The following ATE1 variants were observed in gnomAD, a reference collection of about 807,000 sequenced individuals.
ATE1 encodes arginyl-tRNA--protein transferase 1.
A neutral mutation model predicts 70.5 loss-of-function variants in ATE1; 36 were observed. The ratio of observed to expected loss-of-function variants is 0.51; its 90% CI spans 0.39 to 0.67. ATE1 has a LOEUF of 0.67. ATE1 is among the 30% of genes least tolerant of loss of function. ATE1 has a pLI of 0.00. For synonymous variants in ATE1, 232 were observed against 219.3 expected, an observed-to-expected ratio of 1.06 and a Z score of -0.51; for missense variants, 593 against 629.5, an observed-to-expected ratio of 0.94 and a Z score of 0.62.
At chr10:121,888,572 C>G (rs1950480747) in intron 7 of ATE1, among the ~76,000 whole-genome samples, 1 of 152,070 alleles carries the variant, frequency 6.6e-6, no homozygotes, top group Non-Finnish European at 1.5e-5. Context: ...CTAGAGGAAA[C>G]TGACAATATG....
At chr10:121,885,296 G>A (rs1176575116) in intron 7 of ATE1, among the ~76,000 whole-genome samples, 10 of 139,984 alleles carry the variant, frequency 7.1e-5, no homozygotes, top group African/African-American at 1.1e-4. Context: ...GAGGCCGGGC[G>A]CGGTGGCTCA....
At chr10:121,928,414 T>G, upstream of ATE1, 1 of 1,524,410 alleles carries the variant, frequency 6.6e-7, no homozygotes, top group Non-Finnish European at 8.8e-7. Context: ...GGCCCTTGTA[T>G]TCCACCACCG....
intron 10 of ATE1, among the ~76,000 whole-genome samples, chr10:121,828,978 T>C (rs1414026976): frequency 2.0e-5 from 3 of 152,186 alleles, no homozygotes; most frequent in Non-Finnish European, 4.4e-5. Flanking sequence ...AATTGTCACA[T>C]TACCACTTTA....
rs11200158 is a variant in ATE1, at chr10:121,793,640, C to A, written c.1258-3351G>T. ...TAGAGGAATTTGCATTTTTCTTTTT[C>A]ATAAAGTTGGCCCATTTTATTGTTA... On this transcript the variant is annotated intron_variant, in intron 10 of 11. Transcript: ENST00000224652. 0.022 allele frequency among the ~76,000 whole-genome samples: 3,302 copies of A among 152,176 alleles called. 189 individuals carry two copies. In the East Asian group the frequency reaches 0.26, roughly 12 times the overall value.
chr10:121,793,991 T>C (rs915195101), intron 10 of ATE1, among the ~76,000 whole-genome samples: 1 of 152,218 alleles, frequency 6.6e-6, no homozygotes, highest in Non-Finnish European at 1.5e-5. Context: ...TATTGTGATA[T>C]AAGGTATACA....
chr10:121,844,700 G>T (rs1177185034), intron 8 of ATE1, among the ~76,000 whole-genome samples: 1 of 152,042 alleles, frequency 6.6e-6, no homozygotes, highest in Non-Finnish European at 1.5e-5. Context: ...TCCTTCAATA[G>T]GCAAATGGAT....
At chr10:121,919,466 C>T (rs745928146) in intron 3 of ATE1, among the ~76,000 whole-genome samples, 2 of 151,946 alleles carry the variant, frequency 1.3e-5, no homozygotes, top group African/African-American at 2.4e-5. Context: ...GAGGCTGAGG[C>T]AGGAGAATCG....
chr10:121,831,595 T>C (rs1352868596), intron 10 of ATE1, among the ~76,000 whole-genome samples: 2 of 152,242 alleles, frequency 1.3e-5, no homozygotes, highest in Non-Finnish European at 2.9e-5. Flanking sequence ...CATTTCATGC[T>C]GACTGCTTAG....
At chr10:121,898,893 T>C (rs199872361) in intron 7 of ATE1, 3 of 1,613,996 alleles carry the variant, frequency 1.9e-6, no homozygotes, top group East Asian at 2.2e-5. Flanking sequence ...CACTTGATAC[T>C]TGACATACAA....
chr10:121,928,297 C>A, upstream of ATE1: 1 of 1,501,740 alleles, frequency 6.7e-7, no homozygotes, highest in Non-Finnish European at 8.9e-7. Flanking sequence ...CCGCCGAGGG[C>A]CTGTGCGGGG....
At chr10:121,911,937 G>A (rs937567839) in intron 4 of ATE1, among the ~76,000 whole-genome samples, 9 of 152,018 alleles carry the variant, frequency 5.9e-5, no homozygotes, top group South Asian at 2.1e-4. Flanking sequence ...TAATACAGAC[G>A]GGATTTCACT....
At chr10:121,763,244 A>T (rs1303468818) in intron 11 of ATE1, among the ~76,000 whole-genome samples, 1 of 152,224 alleles carries the variant, frequency 6.6e-6, no homozygotes, top group Non-Finnish European at 1.5e-5. Flanking sequence ...ATGATCTAGT[A>T]ATTGCGCTTC....
rs1267533101 is a variant in ATE1, at chr10:121,911,152, C to T, written c.338-1G>A. On this transcript the variant is annotated splice_acceptor_variant, in intron 4 of 11. Transcript: ENST00000224652. LOFTEE classifies it high-confidence loss of function. ...TCCATTGTGGAATCCATGGGCTCATCTACAAATCAGAAGAAATTAAAAATC... is the reference window on the plus strand; with the variant it reads ...TCCATTGTGGAATCCATGGGCTCATTTACAAATCAGAAGAAATTAAAAATC... 2 of 1,602,754 alleles carry T rather than the reference C, an allele frequency of 1.2e-6. No homozygotes were observed. Among genetic ancestry groups the T allele is most frequent in the Non-Finnish European group, 1.7e-6 (2 of 1,177,802 alleles).
intron 10 of ATE1, among the ~76,000 whole-genome samples, chr10:121,816,175 C>A (rs940512518): frequency 3.9e-5 from 6 of 152,038 alleles, no homozygotes; most frequent in African/African-American, 1.5e-4. Context: ...TACAATTATA[C>A]AAAATTTATT....
chr10:121,886,888 A>G (rs1438933030), intron 7 of ATE1, among the ~76,000 whole-genome samples: 2 of 152,172 alleles, frequency 1.3e-5, no homozygotes, highest in Non-Finnish European at 2.9e-5. Context: ...GAGAATGTCA[A>G]TTCTCTAATA....
intron 3 of ATE1, among the ~76,000 whole-genome samples, chr10:121,918,903 C>A (rs574889479): frequency 1.3e-5 from 2 of 152,044 alleles, no homozygotes; most frequent in African/African-American, 4.8e-5. Context: ...ACGCCCCAAT[C>A]GGCGCTCTGT....
At chr10:121,800,801 C>T (rs76289217) in intron 10 of ATE1, among the ~76,000 whole-genome samples, 1,574 of 152,226 alleles carry the variant, frequency 0.01, 35 homozygotes, top group African/African-American at 0.036. Context: ...AGTACATAAA[C>T]AAAAGTAGTT....
chr10:121,878,319 G>A (rs1053731891), intron 7 of ATE1, among the ~76,000 whole-genome samples: 10 of 152,108 alleles, frequency 6.6e-5, no homozygotes, highest in South Asian at 2.1e-4. Context: ...TTGGCCAGGC[G>A]TGTTGTTTCA....
intron 7 of ATE1, among the ~76,000 whole-genome samples, chr10:121,871,423 C>T (rs1008114043): frequency 2.6e-5 from 4 of 152,144 alleles, no homozygotes; most frequent in African/African-American, 9.7e-5. Flanking sequence ...TGCGCCACTG[C>T]ACTCCAGCCT....
Sources: gnomAD v4.1 joint callset for allele counts (sites outside exome capture counted in the v4.1 genomes callset) on GRCh38, gnomAD v4.1.1 for gene constraint, MANE v1.5 for transcripts, NCBI Gene and HGNC (gene_info 2026-07-23, HGNC 2026-07-21) for gene names.